DRC2: variants seen among roughly 807,000 people sequenced by gnomAD.
DRC2 encodes dynein regulatory complex subunit 2.
At chr12:48,909,024 T>C in the DRC2 span, among the ~76,000 whole-genome samples, 1 of 150,094 alleles carries the variant, frequency 6.7e-6, no homozygotes, top group Non-Finnish European at 1.5e-5. Flanking sequence ...TTCCCACCTG[T>C]ACTTTTCTTT....
the DRC2 span, chr12:48,914,280 C>T: frequency 1.0e-6 from 1 of 961,242 alleles, no homozygotes; most frequent in Non-Finnish European, 1.5e-6. Context: ...AGGGGGACAG[C>T]CAGCATTCTT....
At chr12:48,909,718 C>A in the DRC2 span, among the ~76,000 whole-genome samples, 1 of 151,452 alleles carries the variant, frequency 6.6e-6, no homozygotes, top group African/African-American at 2.4e-5. Flanking sequence ...CTCAAGTGAT[C>A]TGCCCACTTC....
the DRC2 span, among the ~76,000 whole-genome samples, chr12:48,920,763 T>C: frequency 6.6e-6 from 1 of 152,074 alleles, no homozygotes; most frequent in African/African-American, 2.4e-5. Context: ...AAGAAAATAC[T>C]TGGAATAGTG....
the DRC2 span, among the ~76,000 whole-genome samples, chr12:48,906,991 G>A: frequency 5.9e-5 from 9 of 151,908 alleles, no homozygotes; most frequent in South Asian, 1.7e-3. Flanking sequence ...TGAGGCAGGC[G>A]GATCACGAGG....
the DRC2 span, chr12:48,914,419 C>G: frequency 6.2e-7 from 1 of 1,609,848 alleles, no homozygotes; most frequent in African/African-American, 1.3e-5. Context: ...AGCTAAAGAC[C>G]TGTCCGAAGC....
chr12:48,908,928 T>G, the DRC2 span, among the ~76,000 whole-genome samples: 1 of 151,616 alleles, frequency 6.6e-6, no homozygotes, highest in Non-Finnish European at 1.5e-5. Context: ...ATCCTGTCAC[T>G]CCACTGTTTA....
chr12:48,916,186 C>T, the DRC2 span, among the ~76,000 whole-genome samples: 9 of 152,064 alleles, frequency 5.9e-5, no homozygotes, highest in Admixed American at 2.0e-4. Context: ...CTCCTCACTT[C>T]CCAGACGGGG....
At chr12:48,908,643 CA>C in the DRC2 span, among the ~76,000 whole-genome samples, 7 of 151,208 alleles carry the variant, frequency 4.6e-5, 1 homozygote. Flanking sequence ...CAGAGTCACC[CA>C]GGCAGGAGTG....
the DRC2 span, among the ~76,000 whole-genome samples, chr12:48,910,741 T>C: frequency 6.6e-6 from 1 of 152,146 alleles, no homozygotes; most frequent in Non-Finnish European, 1.5e-5. Context: ...CTTGCTTTTT[T>C]CACTTAATAA....
At chr12:48,915,051 C>CT in the DRC2 span, among the ~76,000 whole-genome samples, 48,408 of 148,794 alleles carry the variant, frequency 0.33, 8,898 homozygotes, top group Admixed American at 0.47. Flanking sequence ...TTTTAAATAA[C>CT]TTTTTTTTCT....
the DRC2 span, among the ~76,000 whole-genome samples, chr12:48,914,775 C>T: frequency 3.3e-5 from 5 of 152,204 alleles, no homozygotes; most frequent in Admixed American, 3.3e-4. Flanking sequence ...TTACTCACGT[C>T]AGGTCCCTGT....
chr12:48,915,109 T>A, the DRC2 span, among the ~76,000 whole-genome samples: 1 of 61,070 alleles, frequency 1.6e-5, no homozygotes, highest in Non-Finnish European at 3.8e-5. Context: ...CTACCCACTT[T>A]CTTTCTTTTT....
chr12:48,904,820 C>T, the DRC2 span: 2 of 758,356 alleles, frequency 2.6e-6, no homozygotes. Context: ...CCCTTGCCCT[C>T]CCTAAATGCC....
chr12:48,914,695 A>AC, the DRC2 span: 5 of 836,448 alleles, frequency 6.0e-6, no homozygotes, highest in South Asian at 9.9e-5. Context: ...TTATCACGGG[A>AC]CCCCCAGCAG....
chr12:48,911,828 T>G, the DRC2 span, among the ~76,000 whole-genome samples: 1 of 152,130 alleles, frequency 6.6e-6, no homozygotes, highest in Non-Finnish European at 1.5e-5. Flanking sequence ...AAAGAGATAC[T>G]TCCCCTCATT....
chr12:48,916,404 C>A, the DRC2 span, among the ~76,000 whole-genome samples: 3 of 152,136 alleles, frequency 2.0e-5, no homozygotes, highest in Non-Finnish European at 2.9e-5. Context: ...TGGAGACCAG[C>A]CCGGCCAACA....
the DRC2 span, among the ~76,000 whole-genome samples, chr12:48,920,481 AGTTT>A: frequency 4.0e-5 from 5 of 124,862 alleles, no homozygotes; most frequent in African/African-American, 6.0e-5. Context: ...TGAGAGAATG[AGTTT>A]GTTTTTTTTT....
At chr12:48,914,806 C>A in the DRC2 span, among the ~76,000 whole-genome samples, 1 of 152,054 alleles carries the variant, frequency 6.6e-6, no homozygotes, top group Non-Finnish European at 1.5e-5. Context: ...TCACCACCCA[C>A]TTTCTTCTTT....
chr12:48,914,509 A>G, the DRC2 span: 1 of 1,614,202 alleles, frequency 6.2e-7, no homozygotes, highest in Non-Finnish European at 8.5e-7. Flanking sequence ...GCACCGGCTC[A>G]GTCTCCTGGA....
Sources: gnomAD v4.1 joint callset for allele counts (sites outside exome capture counted in the v4.1 genomes callset) on GRCh38, gnomAD v4.1.1 for gene constraint, MANE v1.5 for transcripts, NCBI Gene and HGNC (gene_info 2026-07-23, HGNC 2026-07-21) for gene names.